Variants in GK5 observed in about 807,000 individuals in gnomAD.
The protein encoded by GK5 is ATP:glycerol 3-phosphotransferase 5.
Under a neutral mutation model 77.3 loss-of-function variants are expected in GK5, and 39 were observed. The ratio of observed to expected loss-of-function variants is 0.50; its 90% CI spans 0.39 to 0.66. The LOEUF (loss-of-function observed/expected upper bound fraction) is 0.66. GK5 is among the 30% of genes least tolerant of loss of function. The pLI is 0.00. For missense variants in GK5, 487 were observed against 633.8 expected (o/e 0.77, Z 2.49); for synonymous variants, 211 against 208.0 (o/e 1.01, Z -0.13).
Position 142,172,476 on chromosome 3 carries a change from G to C in GK5, c.1144-20C>G. ...TGGAGCCTACAGTAAGAGATAACAAGAATATATTATTATTATTCTAAATTA... is the reference window on the plus strand; with the variant it reads ...TGGAGCCTACAGTAAGAGATAACAACAATATATTATTATTATTCTAAATTA... On this transcript the variant is annotated intron_variant, in intron 12 of 15. Transcript: ENST00000392993. 1.6e-6 allele frequency: 2 copies of C among 1,288,344 alleles called. No homozygotes were observed. The highest frequency in any genetic ancestry group is 2.2e-6 in the Non-Finnish European group (2 of 899,116). 79.8% of individuals were successfully genotyped at this position (1,288,344 alleles called of 1,614,324 possible).
intron 2 of GK5, 119 bp downstream of exon 2, chr3:142,215,479 AT>A (rs1205383423): frequency 1.9e-6 from 1 of 525,452 alleles, no homozygotes; most frequent in Non-Finnish European, 3.4e-6. Flanking sequence ...GGAAACTGTA[AT>A]CCCAATAAAA....
intron 10 of GK5, among the ~76,000 whole-genome samples, chr3:142,182,558 A>G (rs1452757833): frequency 1.3e-5 from 2 of 152,144 alleles, no homozygotes; most frequent in African/African-American, 4.8e-5. Context: ...CATGTTGGCC[A>G]GGCTGGTCTC....
At position 142,159,491 on chromosome 3, in the gene GK5, T is replaced by C. The variant is rs531999206; in HGVS notation, c.*6131A>G. 92 of 152,300 alleles carry C rather than the reference T, an allele frequency of 6.0e-4. 1 individual carries two copies. The highest frequency in any genetic ancestry group is 2.1e-3 in the African/African-American group (89 of 41,574). 9.4% of individuals were successfully genotyped at this position (152,300 alleles called of 1,614,324 possible). ...AGAAATATCTGATTTTGCAAGCACC[T>C]GTTTCTGTCCTTCCCACTCCAAGAT... is the stretch of plus-strand genomic sequence containing the variant. On this transcript the variant is annotated 3_prime_UTR_variant, in exon 16 of 16. Coordinates refer to ENST00000392993, the MANE Select transcript of GK5 (RefSeq NM_001039547.3).
chr3:142,157,933 TTTGTTG>T lies in GK5; in HGVS notation c.*7683_*7688del, dbSNP rs1255704185. On this transcript the variant is annotated 3_prime_UTR_variant, in exon 16 of 16. Transcript: ENST00000392993. The stretch of plus-strand genomic sequence containing the variant: ...ACAAGTGCTATTTCTCTGGTTGTTT[TTTGTTG>T]TTGTTGTTGTTGTTTTTGTTTTTTT... 1 of 151,094 alleles carries T rather than the reference TTTGTTG, an allele frequency of 6.6e-6. No individual in the cohort carries two copies. Among genetic ancestry groups the T allele is most frequent in the Admixed American group, 6.6e-5 (1 of 15,180 alleles). 9.4% of individuals were successfully genotyped at this position (151,094 alleles called of 1,614,324 possible). A position where few individuals can be genotyped will look rare whatever the true frequency, so the allele number is the denominator to read the frequency against.
At chr3:142,178,104 C>T (rs1380077200) in intron 11 of GK5, among the ~76,000 whole-genome samples, 1 of 151,994 alleles carries the variant, frequency 6.6e-6, no homozygotes, top group African/African-American at 2.4e-5. Flanking sequence ...GTGATTCGCC[C>T]GCCTCAGCCT....
intron 6 of GK5, among the ~76,000 whole-genome samples, chr3:142,187,382 T>C (rs1013192027): frequency 2.0e-5 from 3 of 151,730 alleles, no homozygotes; most frequent in African/African-American, 4.8e-5. Flanking sequence ...GGCAGATGGA[T>C]TGCTTGAGTC....
chr3:142,177,322 G>C (rs1178036543), intron 12 of GK5, among the ~76,000 whole-genome samples, 160 bp downstream of exon 12: 1 of 152,138 alleles, frequency 6.6e-6, no homozygotes, highest in Non-Finnish European at 1.5e-5. Context: ...TGGAATTCAT[G>C]CTTGGTCAGA....
chr3:142,208,683 C>A (rs563323532), intron 3 of GK5, among the ~76,000 whole-genome samples: 2 of 152,302 alleles, frequency 1.3e-5, no homozygotes, highest in African/African-American at 2.4e-5. Flanking sequence ...ATCTGATGTT[C>A]AATCACTGGT....
At chr3:142,204,989 T>C (rs553206283) in intron 3 of GK5, among the ~76,000 whole-genome samples, 52 of 152,334 alleles carry the variant, frequency 3.4e-4, no homozygotes, top group Non-Finnish European at 6.9e-4. Context: ...TAGTATGAAA[T>C]GTATATACTT....
At chr3:142,218,787 CT>C (rs1271924992) in intron 1 of GK5, among the ~76,000 whole-genome samples, 3 of 152,028 alleles carry the variant, frequency 2.0e-5, no homozygotes, top group African/African-American at 7.3e-5. Context: ...GCAAAAGATA[CT>C]GTTAAGAAAA....
In GK5 at chr3:142,164,214, T is replaced by A. The variant is rs1020053729; in HGVS notation, c.*1408A>T. ...TATCTGTCTCCAAAATGGACATATA[T>A]GACAGCAAAAACAAAATTCTCTATA... On this transcript the variant is annotated 3_prime_UTR_variant, in exon 16 of 16. Transcript: ENST00000392993. The A allele has an allele frequency of 6.6e-6, 1 of 152,312 alleles. No individual in the cohort carries two copies. The highest frequency in any genetic ancestry group is 1.9e-4 in the East Asian group (1 of 5,192). The allele number at this position is 152,312 out of a possible 1,614,324, so 9.4% of individuals were successfully genotyped here. A position where few individuals can be genotyped will look rare whatever the true frequency, so the allele number is the denominator to read the frequency against.
intron 15 of GK5, among the ~76,000 whole-genome samples, chr3:142,169,521 C>G (rs1451200572): frequency 6.6e-6 from 1 of 152,206 alleles, no homozygotes; most frequent in African/African-American, 2.4e-5. Flanking sequence ...TCCACTGACT[C>G]TCACTCTGCT....
chr3:142,193,662 C>G (rs2063887161), intron 5 of GK5, among the ~76,000 whole-genome samples: 1 of 152,108 alleles, frequency 6.6e-6, no homozygotes, highest in Non-Finnish European at 1.5e-5. Context: ...TTGTACTTTT[C>G]AAAGTATATA....
intron 12 of GK5, among the ~76,000 whole-genome samples, chr3:142,175,030 A>G (rs1383163596): frequency 6.6e-6 from 1 of 152,236 alleles, no homozygotes; most frequent in Non-Finnish European, 1.5e-5. Flanking sequence ...AGAGAAAAGC[A>G]GAACAGAGAG....
At chr3:142,179,875 T>G (rs1421873133) in intron 11 of GK5, among the ~76,000 whole-genome samples, 1 of 152,170 alleles carries the variant, frequency 6.6e-6, no homozygotes, top group Non-Finnish European at 1.5e-5. Flanking sequence ...TGTTTTTATA[T>G]TTTCTCTGAT....
chr3:142,184,556 C>A (rs1347836511), intron 9 of GK5, among the ~76,000 whole-genome samples: 10 of 152,076 alleles, frequency 6.6e-5, no homozygotes, highest in Non-Finnish European at 5.9e-5. Context: ...TTTTAAGGAT[C>A]AAAACTCATC....
At chr3:142,221,282 A>G (rs1210698820) in intron 1 of GK5, among the ~76,000 whole-genome samples, 2 of 152,244 alleles carry the variant, frequency 1.3e-5, no homozygotes, top group African/African-American at 4.8e-5. Context: ...CTTTCTAGGC[A>G]AGGCTTTTAT....
intron 9 of GK5, chr3:142,184,949 T>G (rs1338079154): frequency 2.0e-6 from 2 of 985,388 alleles, no homozygotes; most frequent in Non-Finnish European, 2.4e-6. Context: ...CTAGATTGAA[T>G]AAGACCGATC....
intron 15 of GK5, 112 bp from the exon 16 acceptor site, chr3:142,165,882 A>G: frequency 3.2e-6 from 2 of 627,998 alleles, no homozygotes; most frequent in Non-Finnish European, 5.3e-6. Flanking sequence ...ACTATTTTTA[A>G]AACAATCCAA....
Sources: allele counts gnomAD v4.1 joint callset (sites outside exome capture counted in the v4.1 genomes callset), GRCh38; gene constraint gnomAD v4.1.1; transcripts MANE v1.5; gene names NCBI Gene and HGNC (gene_info 2026-07-23, HGNC 2026-07-21).